Variants in LGR4 observed in about 807,000 individuals in gnomAD.
LGR4 encodes leucine rich repeat containing G protein-coupled receptor 4, also known as leucine-rich repeat-containing G protein-coupled receptor 4.
LGR4 carries 44 observed loss-of-function variants against 84.8 expected under a neutral mutation model. That is an observed-to-expected ratio of 0.52 (90% CI 0.41 to 0.67). The LOEUF (loss-of-function observed/expected upper bound fraction) is 0.67, where lower values mean the gene tolerates loss of function less well. LGR4 is among the 30% of genes least tolerant of loss of function. LGR4 has a pLI of 0.00. For missense variants in LGR4, 1,032 were observed against 1,131.4 expected (o/e 0.91, Z 1.26); for synonymous variants, 429 against 434.3 (o/e 0.99, Z 0.15).
At chr11:27,458,698 C>T (rs1248290903) in intron 1 of LGR4, among the ~76,000 whole-genome samples, 1 of 152,012 alleles carries the variant, frequency 6.6e-6, no homozygotes, top group African/African-American at 2.4e-5. Flanking sequence ...ACCACCATGC[C>T]CAGCTAATTT....
At chr11:27,421,539 C>T (rs1278550792) in intron 1 of LGR4, among the ~76,000 whole-genome samples, 1 of 152,136 alleles carries the variant, frequency 6.6e-6, no homozygotes, top group Admixed American at 6.5e-5. Flanking sequence ...GAAGCTAACA[C>T]TAGAAGGTAG....
Position 27,369,038 on chromosome 11 carries a change from G to T in LGR4, c.1685C>A (p.Thr562Lys), listed in dbSNP as rs538451022. 1.6e-5 allele frequency: 26 copies of T among 1,613,922 alleles called. No homozygotes were observed. The highest frequency in any genetic ancestry group is 1.7e-4 in the Middle Eastern group (1 of 6,060). The change falls in exon 18 of 18, where the codon ACA becomes AAA. Residue 562 changes from threonine to lysine, a missense_variant. Coordinates refer to ENST00000379214, the MANE Select transcript of LGR4 (RefSeq NM_018490.5). Reference sequence around the variant, plus strand: ...CAGTGATGTACAAGATGCAAATGTTGTTAAAATAACAAGCAGGTTGAAAAA... The same window carrying T: ...CAGTGATGTACAAGATGCAAATGTTTTTAAAATAACAAGCAGGTTGAAAAA... ...ALFFNLLVIL[T>K]TFASCTSLPS...
At position 27,368,704 on chromosome 11, in the gene LGR4, A is replaced by G. The variant is rs1290911655; in HGVS notation, c.2019T>C (p.Ala673=). ...RVAALLAFLG[A]TVAGCFPLFH... is the part of the protein sequence containing the mutation. ...AAAGGGGAAAACAGCCTGCTACTGT[A>G]GCACCTAGGAAAGCCAAAAGGGCAG... is the stretch of plus-strand genomic sequence containing the variant. Residue 673 remains alanine (A), a synonymous_variant, in exon 18 of 18, where the codon GCT becomes GCC. Coordinates refer to ENST00000379214, the MANE Select transcript of LGR4 (RefSeq NM_018490.5). 1 of 1,613,736 alleles carries G rather than the reference A, an allele frequency of 6.2e-7. No individual in the cohort carries two copies. Among genetic ancestry groups the G allele is most frequent in the Admixed American group, 1.7e-5 (1 of 59,976 alleles).
intron 2 of LGR4, among the ~76,000 whole-genome samples, chr11:27,395,710 T>C (rs1263666959): frequency 1.3e-5 from 2 of 152,166 alleles, no homozygotes; most frequent in Non-Finnish European, 2.9e-5. Flanking sequence ...GTTAGTAGAG[T>C]AAACATATCC....
intron 2 of LGR4, among the ~76,000 whole-genome samples, chr11:27,396,999 T>G (rs1863403524): frequency 6.6e-6 from 1 of 152,174 alleles, no homozygotes; most frequent in Non-Finnish European, 1.5e-5. Flanking sequence ...TCACCTGATT[T>G]TTTTTCCTCC....
intron 2 of LGR4, among the ~76,000 whole-genome samples, chr11:27,406,706 C>T (rs764937316): frequency 3.9e-5 from 6 of 152,062 alleles, no homozygotes; most frequent in Admixed American, 1.3e-4. Flanking sequence ...CAGTAAGGGT[C>T]GTGATCTTTG....
rs1216529044 is a variant in LGR4, at chr11:27,367,259, T to A, written c.*608A>T. The A allele has an allele frequency of 2.0e-5, 3 of 152,432 alleles. No individual in the cohort carries two copies. Among genetic ancestry groups the A allele is most frequent in the Non-Finnish European group, 2.9e-5 (2 of 68,032 alleles). The allele number at this position is 152,432 out of a possible 1,614,324, so 9.4% of individuals were successfully genotyped here. A position where few individuals can be genotyped will look rare whatever the true frequency, so the allele number is the denominator to read the frequency against. ...TTTAACCTAACAGCTGTTAATATTG[T>A]TTTAAAAACATCTTCAGGTTTTAGA... On this transcript the variant is annotated 3_prime_UTR_variant, in exon 18 of 18. Transcript: ENST00000379214.
At chr11:27,439,922 T>C (rs1864275690) in intron 1 of LGR4, among the ~76,000 whole-genome samples, 1 of 140,886 alleles carries the variant, frequency 7.1e-6, no homozygotes, top group Non-Finnish European at 1.5e-5. Flanking sequence ...TTTTTTTTTT[T>C]TGAGACGGAG....
rs55877673 is a variant in LGR4, at chr11:27,418,832, C to CT, written c.186-5973dup. Among the ~76,000 whole-genome samples, 1,247 of 128,742 alleles carry CT rather than the reference C, an allele frequency of 9.7e-3. 7 individuals carry two copies. The highest frequency in any genetic ancestry group is 0.014 in the Non-Finnish European group (898 of 61,942). 84.5% of individuals were successfully genotyped at this position (128,742 alleles called of 152,430 possible). The stretch of plus-strand genomic sequence containing the variant: ...ATCATCTACTTTCGTGGATTGAAAT[C>CT]TTTTTTTTTTTTTTTTTTGAGACTG... On this transcript the variant is annotated intron_variant, in intron 1 of 17. Coordinates refer to ENST00000379214, the MANE Select transcript of LGR4 (RefSeq NM_018490.5).
At chr11:27,371,821 T>C in intron 16 of LGR4, 123 bp from the exon 17 acceptor site, 1 of 671,824 alleles carries the variant, frequency 1.5e-6, no homozygotes, top group Non-Finnish European at 2.5e-6. Flanking sequence ...AATAACATAT[T>C]AAAGATGCTG....
chr11:27,372,489 A>C, intron 15 of LGR4, 91 bp from the exon 16 acceptor site: 1 of 773,726 alleles, frequency 1.3e-6, no homozygotes, highest in Non-Finnish European at 2.2e-6. Flanking sequence ...TGAAAACCTC[A>C]GCCTAGGAGT....
At chr11:27,395,885 T>C (rs1055491274) in intron 2 of LGR4, among the ~76,000 whole-genome samples, 1 of 152,132 alleles carries the variant, frequency 6.6e-6, no homozygotes, top group African/African-American at 2.4e-5. Flanking sequence ...ATAGTAAACC[T>C]TGGGGATGCT....
intron 2 of LGR4, among the ~76,000 whole-genome samples, chr11:27,396,745 T>A (rs1271283862): frequency 6.6e-6 from 1 of 152,174 alleles, no homozygotes. Context: ...CTAAATCTTG[T>A]TATTTATATT....
chr11:27,398,074 T>C (rs1863425083), intron 2 of LGR4, among the ~76,000 whole-genome samples: 1 of 152,220 alleles, frequency 6.6e-6, no homozygotes, highest in Admixed American at 6.5e-5. Flanking sequence ...AGACCATGGA[T>C]TGACATTAGG....
chr11:27,399,774 C>T (rs946211547), intron 2 of LGR4, among the ~76,000 whole-genome samples: 2 of 152,290 alleles, frequency 1.3e-5, no homozygotes, highest in African/African-American at 4.8e-5. Flanking sequence ...CTGCCTCGGC[C>T]TCCCAAAGTG....
chr11:27,373,044 G>C (rs1862913706), intron 15 of LGR4: 1 of 152,348 alleles, frequency 6.6e-6, no homozygotes, highest in African/African-American at 2.4e-5. Flanking sequence ...ATTTTTTGTA[G>C]AGACAGGGTC....
chr11:27,389,063 C>A (rs1334517914), intron 4 of LGR4, among the ~76,000 whole-genome samples: 1 of 152,124 alleles, frequency 6.6e-6, no homozygotes, highest in African/African-American at 2.4e-5. Flanking sequence ...ATGAACTTTG[C>A]TTCTTTTAAG....
In LGR4 at chr11:27,467,097, G is replaced by A. The variant is rs548950920; in HGVS notation, c.185+5021C>T. On this transcript the variant is annotated intron_variant, in intron 1 of 17. Transcript: ENST00000379214. Reference sequence around the variant, plus strand: ...CACCACACCTGGCCTCAAGTCTTAAGAATTGCTCAGATCATATCCAGTACA... The same window carrying A: ...CACCACACCTGGCCTCAAGTCTTAAAAATTGCTCAGATCATATCCAGTACA... 2.7e-4 allele frequency among the ~76,000 whole-genome samples: 41 copies of A among 152,016 alleles called. No homozygotes were observed. In the South Asian group the frequency reaches 8.3e-3, roughly 31 times the overall value.
intron 4 of LGR4, among the ~76,000 whole-genome samples, chr11:27,388,757 T>C (rs1160337533): frequency 6.6e-6 from 1 of 152,156 alleles, no homozygotes; most frequent in Admixed American, 6.5e-5. Context: ...TGTTCTAACT[T>C]ACCAATAATG....
Sources: gnomAD v4.1 joint callset for allele counts (sites outside exome capture counted in the v4.1 genomes callset) on GRCh38, gnomAD v4.1.1 for gene constraint, MANE v1.5 for transcripts, NCBI Gene and HGNC (gene_info 2026-07-23, HGNC 2026-07-21) for gene names.